The following GNG7 variants were observed in gnomAD, a reference collection of about 807,000 sequenced individuals.
GNG7 encodes the protein guanine nucleotide-binding protein G(I)/G(S)/G(O) subunit gamma-7.
A neutral mutation model predicts 4.0 loss-of-function variants in GNG7; 1 was observed. The ratio of observed to expected loss-of-function variants is 0.25; its 90% CI spans 0.09 to 1.18. The LOEUF is 1.18. Ranked by LOEUF, GNG7 falls within the 50% of genes most tolerant of loss-of-function variation. The pLI is 0.50. For synonymous variants in GNG7, 34 were observed against 36.9 expected (o/e 0.92, Z 0.29); for missense variants, 86 against 91.9 (o/e 0.94, Z 0.26).
rs1171177340 is a variant in GNG7, at chr19:2,549,670, A to T, written c.-38+5479T>A. On this transcript the variant is annotated intron_variant, in intron 3 of 4. Coordinates refer to ENST00000382159, the MANE Select transcript of GNG7 (RefSeq NM_052847.3). ...TGGGAATTTCAGTCTCTCCCCCAGA[A>T]CCTTCTGGAGAGACACCACTGCAGC... 2.6e-5 allele frequency among the ~76,000 whole-genome samples: 4 copies of T among 152,084 alleles called. No homozygotes were observed. In the East Asian group the frequency reaches 5.8e-4, roughly 22 times the overall value.
At chr19:2,659,164 T>A (rs930291482) in intron 1 of GNG7, among the ~76,000 whole-genome samples, 1 of 151,494 alleles carries the variant, frequency 6.6e-6, no homozygotes, top group African/African-American at 2.4e-5. Flanking sequence ...AGAGACGAGG[T>A]TTCACCGGGT....
intron 2 of GNG7, among the ~76,000 whole-genome samples, chr19:2,644,352 T>A (rs1982604112): frequency 1.1e-4 from 2 of 18,150 alleles, no homozygotes; most frequent in South Asian, 2.6e-3. Flanking sequence ...TATATATATA[T>A]ATATATATAT....
At chr19:2,629,088 T>G (rs1403003777) in intron 2 of GNG7, among the ~76,000 whole-genome samples, 1 of 152,108 alleles carries the variant, frequency 6.6e-6, no homozygotes, top group Non-Finnish European at 1.5e-5. Flanking sequence ...ACACACAAAG[T>G]GGCCCCCAAG....
intron 3 of GNG7, among the ~76,000 whole-genome samples, chr19:2,543,557 G>C (rs1197069658): frequency 6.6e-6 from 1 of 151,992 alleles, no homozygotes; most frequent in African/African-American, 2.4e-5. Context: ...CTGAGATGAG[G>C]GTGCAGCATT....
At chr19:2,544,831 CG>C (rs1160257977) in intron 3 of GNG7, among the ~76,000 whole-genome samples, 1 of 151,802 alleles carries the variant, frequency 6.6e-6, no homozygotes, top group East Asian at 1.9e-4. Context: ...GCTCAGCAAC[CG>C]TAAGTGCCCA....
rs535668841 is a variant in GNG7, at chr19:2,593,387, G to GT, written c.-77-38200dup. Among the ~76,000 whole-genome samples the GT allele has an allele frequency of 2.5e-3, 381 of 152,112 alleles. 2 individuals are homozygous for GT. Among genetic ancestry groups the GT allele is most frequent in the South Asian group, 8.5e-3 (41 of 4,824 alleles). ...AAGAAATAGTATTGAGTCAATTTTT[G>GT]TTTTTTAAAATATTCGTTCTATATA... On this transcript the variant is annotated intron_variant, in intron 2 of 4. Coordinates refer to ENST00000382159, the MANE Select transcript of GNG7 (RefSeq NM_052847.3).
intron 1 of GNG7, among the ~76,000 whole-genome samples, chr19:2,686,204 C>T (rs1198578528): frequency 6.6e-6 from 1 of 151,378 alleles, no homozygotes; most frequent in African/African-American, 2.4e-5. Context: ...GTCGCCCAGG[C>T]TGGAGTGCAG....
At chr19:2,545,519 C>T (rs1461862860) in intron 3 of GNG7, among the ~76,000 whole-genome samples, 3 of 151,528 alleles carry the variant, frequency 2.0e-5, no homozygotes, top group African/African-American at 4.9e-5. Flanking sequence ...GGCATGGTAG[C>T]GCATGCCTGT....
chr19:2,599,023 G>C (rs961494586), intron 2 of GNG7, among the ~76,000 whole-genome samples: 1 of 152,166 alleles, frequency 6.6e-6, no homozygotes, highest in African/African-American at 2.4e-5. Context: ...ATGATGAAGA[G>C]GGGGAGAGGC....
intron 2 of GNG7, among the ~76,000 whole-genome samples, chr19:2,622,239 C>T (rs1307077283): frequency 2.6e-4 from 39 of 152,088 alleles, no homozygotes; most frequent in Admixed American, 2.6e-3. Flanking sequence ...GCCACCACAC[C>T]CGGCTAATTT....
chr19:2,553,899 TTACA>T (rs1979457350), intron 3 of GNG7, among the ~76,000 whole-genome samples: 1 of 144,308 alleles, frequency 6.9e-6, no homozygotes, highest in Admixed American at 7.1e-5. Flanking sequence ...CTATGTAATA[TTACA>T]TACATGTGCA....
chr19:2,572,967 A>G (rs1049210162), intron 2 of GNG7, among the ~76,000 whole-genome samples: 1 of 147,828 alleles, frequency 6.8e-6, no homozygotes, highest in African/African-American at 2.5e-5. Flanking sequence ...GTCTCCTCCA[A>G]CCACACATCC....
intron 1 of GNG7, among the ~76,000 whole-genome samples, chr19:2,671,141 C>T (rs749487560): frequency 6.6e-6 from 1 of 152,014 alleles, no homozygotes; most frequent in Non-Finnish European, 1.5e-5. Flanking sequence ...GGGTGCTGAG[C>T]AGCATCCTTG....
At chr19:2,549,160 T>G (rs1302793234) in intron 3 of GNG7, among the ~76,000 whole-genome samples, 1 of 152,134 alleles carries the variant, frequency 6.6e-6, no homozygotes, top group Non-Finnish European at 1.5e-5. Context: ...CCCAACTGTG[T>G]CTGGCTCAAC....
intron 1 of GNG7, among the ~76,000 whole-genome samples, chr19:2,671,254 C>T (rs117566236): frequency 0.013 from 1,761 of 135,808 alleles, 33 homozygotes; most frequent in Non-Finnish European, 0.016. Context: ...CTCAGACAAC[C>T]CACCTTCCAC....
chr19:2,518,097 T>A (rs1393578064), intron 4 of GNG7, among the ~76,000 whole-genome samples: 2 of 152,182 alleles, frequency 1.3e-5, no homozygotes, highest in African/African-American at 4.8e-5. Flanking sequence ...ACGTGGCACC[T>A]TGGCACCACC....
At chr19:2,655,151 T>C (rs1223945310) in intron 1 of GNG7, among the ~76,000 whole-genome samples, 3 of 143,348 alleles carry the variant, frequency 2.1e-5, no homozygotes, top group Non-Finnish European at 4.5e-5. Context: ...ATCACACCAC[T>C]GCACTCCAGG....
chr19:2,557,216 GAC>G lies in GNG7; in HGVS notation c.-77-2030_-77-2029del, dbSNP rs1409293751. Among the ~76,000 whole-genome samples, 1,606 of 148,658 alleles carry G rather than the reference GAC, an allele frequency of 0.011. 22 individuals carry two copies. Among genetic ancestry groups the G allele is most frequent in the African/African-American group, 0.037 (1,480 of 39,978 alleles). On this transcript the variant is annotated intron_variant, in intron 2 of 4. Coordinates refer to ENST00000382159, the MANE Select transcript of GNG7 (RefSeq NM_052847.3). This position sits in a 1 kb window ranked among gnomAD's most constrained non-coding sequence, Gnocchi z 5.1. ...GCACACACATTTGCATGCACACACA[GAC>G]ACACATGCACACACAGACGCACATG... is the stretch of plus-strand genomic sequence containing the variant.
chr19:2,601,926 G>A (rs541879867), intron 2 of GNG7, among the ~76,000 whole-genome samples: 1 of 151,976 alleles, frequency 6.6e-6, no homozygotes, highest in Admixed American at 6.6e-5. Context: ...AGAAGACAGG[G>A]GAGGGGAGGG....
Sources: allele counts gnomAD v4.1 joint callset (sites outside exome capture counted in the v4.1 genomes callset), GRCh38; gene constraint gnomAD v4.1.1; non-coding constraint Gnocchi (gnomAD v3.1); transcripts MANE v1.5; gene names NCBI Gene and HGNC (gene_info 2026-07-23, HGNC 2026-07-21).